Variants in STAU2 observed in about 807,000 individuals in gnomAD.
STAU2 encodes the protein double-stranded RNA-binding protein Staufen homolog 2.
In STAU2, 20 loss-of-function variants were observed where a neutral mutation model predicts 65.9. That is an observed-to-expected ratio of 0.30 (90% CI 0.21 to 0.44). The LOEUF is 0.44. Ranked by LOEUF, STAU2 falls within the 20% of genes least tolerant of loss-of-function variation. The pLI, the probability that STAU2 is intolerant of heterozygous loss-of-function variation, is 1.00. For missense variants in STAU2, 558 were observed against 683.9 expected, an observed-to-expected ratio of 0.82 and a Z score of 2.05; for synonymous variants, 232 against 233.9, an observed-to-expected ratio of 0.99 and a Z score of 0.07.
At chr8:73,569,485 G>C (rs1326636376) in intron 12 of STAU2, among the ~76,000 whole-genome samples, 6 of 152,114 alleles carry the variant, frequency 3.9e-5, no homozygotes, top group African/African-American at 1.4e-4. Flanking sequence ...TGGAGTCTGA[G>C]ATCTGAGAAC....
rs1819474779 is a variant in STAU2, at chr8:73,693,262, A to G, written c.115-4449T>C. Among the ~76,000 whole-genome samples the G allele has an allele frequency of 2.0e-5, 3 of 152,286 alleles. 1 individual carries two copies. The South Asian group carries it at 6.2e-4, about 32-fold the overall frequency. On this transcript the variant is annotated intron_variant, in intron 4 of 14. Transcript: ENST00000524300. The stretch of plus-strand genomic sequence containing the variant: ...GCCGAGGCGGGCGGATCACGAGGTC[A>G]GGAGATCGAGACCATCTTGGCTAAC...
chr8:73,531,582 T>C (rs747489818), intron 13 of STAU2, among the ~76,000 whole-genome samples: 1 of 152,168 alleles, frequency 6.6e-6, no homozygotes, highest in Non-Finnish European at 1.5e-5. Context: ...TATGGCTTTC[T>C]TCAGGTATAT....
rs16938716 is a variant in STAU2 at position 73,707,170 on chromosome 8, A to G, written c.114+1862T>C. 6.6e-3 allele frequency among the ~76,000 whole-genome samples: 1,009 copies of G among 152,320 alleles called. 20 individuals carry two copies. Among genetic ancestry groups the G allele is most frequent in the African/African-American group, 0.023 (960 of 41,570 alleles). ...GGGCAAGTCAGCTGAGGGTACCTAC[A>G]TAAAAGGCACACAACATTTAAGCAG... On this transcript the variant is annotated intron_variant, in intron 4 of 14. Coordinates refer to ENST00000524300, the MANE Select transcript of STAU2 (RefSeq NM_001164380.2).
intron 13 of STAU2, among the ~76,000 whole-genome samples, chr8:73,477,059 C>A (rs1268869368): frequency 6.6e-6 from 1 of 152,214 alleles, no homozygotes; most frequent in African/African-American, 2.4e-5. Context: ...ATAACACTTC[C>A]TGTGACACTG....
intron 13 of STAU2, among the ~76,000 whole-genome samples, chr8:73,481,610 C>T (rs1177923459): frequency 2.0e-5 from 3 of 151,470 alleles, no homozygotes; most frequent in African/African-American, 7.3e-5. Context: ...TAATGTTGCT[C>T]CAACCAAAGG....
In STAU2 at chr8:73,628,286, GGTC is replaced by G. The variant is rs1310917381; in HGVS notation, c.411-10838_411-10836del. ...AGGCACTCCCTATGTTGCCTAGGCT[GGTC>G]TTGAATTCCTGGGCTAAAGCAATCC... On this transcript the variant is annotated intron_variant, in intron 6 of 14. Coordinates refer to ENST00000524300, the MANE Select transcript of STAU2 (RefSeq NM_001164380.2). Among the ~76,000 whole-genome samples, 459 of 151,324 alleles carry G rather than the reference GGTC, an allele frequency of 3.0e-3. 1 individual carries two copies. The highest frequency in any genetic ancestry group is 0.011 in the African/African-American group (433 of 41,218).
intron 13 of STAU2, among the ~76,000 whole-genome samples, chr8:73,503,431 G>A (rs1206952836): frequency 6.6e-6 from 1 of 151,966 alleles, no homozygotes; most frequent in East Asian, 1.9e-4. Flanking sequence ...AGCCGGGAAT[G>A]GAAGAATTAA....
intron 6 of STAU2, among the ~76,000 whole-genome samples, chr8:73,623,360 T>C (rs1253270662): frequency 6.6e-6 from 1 of 152,202 alleles, no homozygotes; most frequent in Non-Finnish European, 1.5e-5. Context: ...GAGAAAGACA[T>C]ATCCCAAATA....
Position 73,454,106 on chromosome 8 carries a change from A to T in STAU2, c.1531-31404T>A, listed in dbSNP as rs1487595667. Among the ~76,000 whole-genome samples, 4 of 152,368 alleles carry T rather than the reference A, an allele frequency of 2.6e-5. No homozygotes were observed. In the East Asian group the frequency reaches 7.7e-4, roughly 29 times the overall value. On this transcript the variant is annotated intron_variant, in intron 13 of 14. Coordinates refer to ENST00000524300, the MANE Select transcript of STAU2 (RefSeq NM_001164380.2). ...ACTATTTAAAAATTAGTTATCCTTA[A>T]TGAATATAAAGGTTAATAAAATTAT...
intron 3 of STAU2, among the ~76,000 whole-genome samples, chr8:73,722,047 G>A (rs1259057697): frequency 6.6e-6 from 1 of 151,830 alleles, no homozygotes; most frequent in African/African-American, 2.4e-5. Flanking sequence ...TGGCTTATTA[G>A]TTGTAACTCT....
At chr8:73,591,833 A>T (rs541494621) in intron 11 of STAU2, among the ~76,000 whole-genome samples, 1 of 144,626 alleles carries the variant, frequency 6.9e-6, no homozygotes, top group African/African-American at 2.5e-5. Flanking sequence ...ATCAGAACAT[A>T]TTTTGAGTTG....
intron 3 of STAU2, among the ~76,000 whole-genome samples, chr8:73,712,268 A>G (rs1820951318): frequency 6.6e-6 from 1 of 152,206 alleles, no homozygotes; most frequent in Admixed American, 6.5e-5. Flanking sequence ...AATAAAATTA[A>G]TAAAAATGGA....
chr8:73,471,821 A>AAAAT, intron 13 of STAU2, among the ~76,000 whole-genome samples: 1 of 147,772 alleles, frequency 6.8e-6, no homozygotes, highest in Admixed American at 6.7e-5. Flanking sequence ...TCCAACTAAA[A>AAAAT]AAAAAAAAAA....
intron 13 of STAU2, among the ~76,000 whole-genome samples, chr8:73,517,298 G>C (rs912372970): frequency 2.0e-5 from 3 of 152,104 alleles, no homozygotes; most frequent in African/African-American, 7.2e-5. Context: ...GCTGGCGTGT[G>C]TCTGTAGTCC....
chr8:73,424,768 G>A (rs1816672928), intron 13 of STAU2, among the ~76,000 whole-genome samples: 1 of 151,410 alleles, frequency 6.6e-6, no homozygotes, highest in South Asian at 2.1e-4. Flanking sequence ...CTATATCCAA[G>A]CAAAAGTCGG....
Position 73,421,046 on chromosome 8 carries a change from T to C in STAU2, c.*326A>G, listed in dbSNP as rs192055318. Reference sequence around the variant, plus strand: ...AACAGAACCAAACCCAACTTCTCTATTATTAATCATGTTAAAATTTTAGCT... The same window carrying C: ...AACAGAACCAAACCCAACTTCTCTACTATTAATCATGTTAAAATTTTAGCT... On this transcript the variant is annotated 3_prime_UTR_variant, in exon 15 of 15. Coordinates refer to ENST00000524300, the MANE Select transcript of STAU2 (RefSeq NM_001164380.2). 4.4e-6 allele frequency: 1 copy of C among 229,088 alleles called. No homozygotes were observed. The highest frequency in any genetic ancestry group is 5.3e-5 in the Admixed American group (1 of 18,718). 14.2% of individuals were successfully genotyped at this position (229,088 alleles called of 1,614,324 possible).
chr8:73,738,203 A>G, intron 3 of STAU2, 81 bp downstream of exon 3: 1 of 1,288,192 alleles, frequency 7.8e-7, no homozygotes, highest in Non-Finnish European at 1.1e-6. Context: ...AGTTATAGAA[A>G]AGAAAAGCTG....
At chr8:73,469,333 A>T (rs1350355376) in intron 13 of STAU2, among the ~76,000 whole-genome samples, 1 of 152,142 alleles carries the variant, frequency 6.6e-6, no homozygotes. Context: ...GAGGGATAGC[A>T]TTAGGAGATA....
intron 1 of STAU2, among the ~76,000 whole-genome samples, chr8:73,745,365 T>C (rs1442761989): frequency 6.6e-6 from 1 of 152,248 alleles, no homozygotes; most frequent in African/African-American, 2.4e-5. Flanking sequence ...CCACCGCAGC[T>C]GAGTTCACAA....
Sources: allele counts gnomAD v4.1 joint callset (sites outside exome capture counted in the v4.1 genomes callset), GRCh38; gene constraint gnomAD v4.1.1; transcripts MANE v1.5; gene names NCBI Gene and HGNC (gene_info 2026-07-23, HGNC 2026-07-21).